AKR1C3: variants seen among roughly 807,000 people sequenced by gnomAD.
AKR1C3 encodes the protein aldo-keto reductase family 1 member C3.
Under a neutral mutation model 43.6 loss-of-function variants are expected in AKR1C3, and 48 were observed. The ratio of observed to expected loss-of-function variants is 1.10; its 90% confidence interval spans 0.87 to 1.40. The LOEUF (loss-of-function observed/expected upper bound fraction) is 1.40, where lower values mean the gene tolerates loss of function less well. AKR1C3 is among the 40% of genes most tolerant of loss of function. AKR1C3 has a pLI of 0.00. For synonymous variants in AKR1C3, 162 were observed against 139.6 expected (o/e 1.16, Z -1.13); for missense variants, 482 against 391.2 (o/e 1.23, Z -1.96).
intron 1 of AKR1C3, among the ~76,000 whole-genome samples, chr10:5,051,687 C>T (rs142583558): frequency 2.2e-4 from 33 of 152,282 alleles, no homozygotes; most frequent in African/African-American, 5.5e-4. Flanking sequence ...GAGGACTTTG[C>T]GTGAGTTCTA....
chr10:5,105,392 TTCAATACATAA>T, intron 7 of AKR1C3, 192 bp from the exon 8 acceptor site: 1 of 461,308 alleles, frequency 2.2e-6, no homozygotes, highest in Non-Finnish European at 3.9e-6. Context: ...GTTGCACAGT[TTCAATACATAA>T]TATCTAGGAA....
chr10:5,050,270 G>T (rs1434072202), intron 1 of AKR1C3, among the ~76,000 whole-genome samples: 6 of 152,216 alleles, frequency 3.9e-5, no homozygotes, highest in African/African-American at 1.4e-4. Flanking sequence ...GGCTGCCTTA[G>T]TGGAGTGAAT....
Position 5,106,783 on chromosome 10 carries a change from G to A in AKR1C3, c.930-678G>A, listed in dbSNP as rs587639824. Among the ~76,000 whole-genome samples, 5 of 152,006 alleles carry A rather than the reference G, an allele frequency of 3.3e-5. No homozygotes were observed. The South Asian group carries it at 1.0e-3, about 32-fold the overall frequency. On this transcript the variant is annotated intron_variant, in intron 8 of 8. Coordinates refer to ENST00000380554, the MANE Select transcript of AKR1C3 (RefSeq NM_003739.6). ...AAAAAAAGCAGGAAGTTATGTAACTGCTGGCAGTGGAAATTTTAACAAGTG... is the reference window on the plus strand; with the variant it reads ...AAAAAAAGCAGGAAGTTATGTAACTACTGGCAGTGGAAATTTTAACAAGTG...
intron 1 of AKR1C3, among the ~76,000 whole-genome samples, chr10:5,055,043 A>G (rs543085925): frequency 3.9e-5 from 6 of 152,378 alleles, no homozygotes; most frequent in Non-Finnish European, 5.9e-5. Context: ...CATACTTGCT[A>G]TCTGTATACA....
chr10:5,092,504 A>G (rs34516592), upstream of AKR1C3, among the ~76,000 whole-genome samples: 47 of 139,250 alleles, frequency 3.4e-4, no homozygotes, highest in Non-Finnish European at 6.4e-4. Flanking sequence ...TTTTTGCCTT[A>G]GACTCAAGGA....
In AKR1C3 at chr10:5,105,529, G is replaced by A. The variant is rs1211936913; in HGVS notation, c.847-66G>A. ...TTAAGTATTGTCTCTGCACCCTACT[G>A]TCTAATATACTTGGGGATTCACAAC... On this transcript the variant is annotated intron_variant, in intron 7 of 8. Transcript: ENST00000380554. 3.3e-6 allele frequency: 4 copies of A among 1,218,984 alleles called. No individual in the cohort carries two copies. The African/African-American group carries it at 4.5e-5, about 14-fold the overall frequency. The allele number at this position is 1,218,984 out of a possible 1,614,324, so 75.5% of individuals were successfully genotyped here. A position where few individuals can be genotyped will look rare whatever the true frequency, so the allele number is the denominator to read the frequency against.
At chr10:5,078,059 A>G in intron 1 of AKR1C3, 1 of 636,392 alleles carries the variant, frequency 1.6e-6, no homozygotes, top group South Asian at 1.8e-5. Flanking sequence ...TGGAAATACC[A>G]TTACAAAAAC....
At chr10:5,063,446 T>C (rs1838422522) in intron 1 of AKR1C3, among the ~76,000 whole-genome samples, 1 of 151,628 alleles carries the variant, frequency 6.6e-6, no homozygotes, top group Non-Finnish European at 1.5e-5. Context: ...CCTTACGAAA[T>C]GGTAGTAAAG....
chr10:5,089,846 C>G (rs1554783897), upstream of AKR1C3, among the ~76,000 whole-genome samples: 1 of 152,010 alleles, frequency 6.6e-6, no homozygotes, highest in Non-Finnish European at 1.5e-5. Context: ...ATTTTTTTCT[C>G]ATTTGGAGAA....
chr10:5,060,659 C>T (rs1242124696), intron 1 of AKR1C3, among the ~76,000 whole-genome samples: 6 of 152,250 alleles, frequency 3.9e-5, no homozygotes, highest in Admixed American at 2.0e-4. Flanking sequence ...GCAGGTGGAG[C>T]TGCCTTCCAA....
chr10:5,061,113 G>C (rs532808500), intron 1 of AKR1C3, among the ~76,000 whole-genome samples: 9 of 152,354 alleles, frequency 5.9e-5, no homozygotes, highest in South Asian at 4.1e-4. Flanking sequence ...GGGCTGAAGG[G>C]CTCCTCAAGT....
intron 1 of AKR1C3, among the ~76,000 whole-genome samples, chr10:5,083,643 C>G (rs368276306): frequency 2.4e-4 from 36 of 150,648 alleles, no homozygotes; most frequent in East Asian, 2.3e-3. Flanking sequence ...GATCCCTGAG[C>G]AATCGCCACA....
intron 1 of AKR1C3, among the ~76,000 whole-genome samples, chr10:5,095,678 C>G (rs1253721884): frequency 6.6e-6 from 1 of 152,054 alleles, no homozygotes; most frequent in African/African-American, 2.4e-5. Context: ...TTAAATTTCA[C>G]TGGAATTCTG....
chr10:5,093,260 G>A (rs536176162), upstream of AKR1C3: 3 of 152,096 alleles, frequency 2.0e-5, no homozygotes, highest in Non-Finnish European at 2.9e-5. Flanking sequence ...ACTTCTTGAC[G>A]CGTCCATGAG....
Position 5,061,672 on chromosome 10 carries a change from A to G in AKR1C3, c.84+12777A>G, listed in dbSNP as rs186701748. On this transcript the variant is annotated intron_variant, in intron 1 of 8. Coordinates refer to the AKR1C3 transcript ENST00000439082. ...AGTCAGGCCTGGACCTCTGATGCCC[A>G]ATTACAGTATTGACCCTATTGAGCT... Among the ~76,000 whole-genome samples, 9 of 152,322 alleles carry G rather than the reference A, an allele frequency of 5.9e-5. No homozygotes were observed. The East Asian group carries it at 9.6e-4, about 16-fold the overall frequency.
chr10:5,065,339 G>C (rs1256602618), intron 1 of AKR1C3, among the ~76,000 whole-genome samples: 2 of 152,176 alleles, frequency 1.3e-5, no homozygotes, highest in East Asian at 1.9e-4. Context: ...CAATAGCATA[G>C]TCATGGAATC....
At chr10:5,083,802 T>C (rs1220670576) in intron 1 of AKR1C3, among the ~76,000 whole-genome samples, 2 of 152,158 alleles carry the variant, frequency 1.3e-5, no homozygotes, top group African/African-American at 4.8e-5. Context: ...TCATTGTGGT[T>C]TTGATTTGTA....
intron 1 of AKR1C3, among the ~76,000 whole-genome samples, chr10:5,079,215 C>G (rs918165280): frequency 1.3e-5 from 2 of 152,068 alleles, no homozygotes; most frequent in East Asian, 3.9e-4. Context: ...ATCTGCCTTC[C>G]CAGGAGGCAG....
At chr10:5,051,104 G>T (rs1473930990) in intron 1 of AKR1C3, among the ~76,000 whole-genome samples, 1 of 152,140 alleles carries the variant, frequency 6.6e-6, no homozygotes, top group Non-Finnish European at 1.5e-5. Context: ...TTTGTTGTTT[G>T]TTTGTTTTGA....
Sources: gnomAD v4.1 joint callset for allele counts (sites outside exome capture counted in the v4.1 genomes callset) on GRCh38, gnomAD v4.1.1 for gene constraint, MANE v1.5 for transcripts, NCBI Gene and HGNC (gene_info 2026-07-23, HGNC 2026-07-21) for gene names.